The following ST8SIA4 variants were observed in gnomAD, a reference collection of about 807,000 sequenced individuals.
The protein encoded by ST8SIA4 is ST8 alpha-N-acetyl-neuraminide alpha-2,8-sialyltransferase 4.
Under a neutral mutation model 33.9 loss-of-function variants are expected in ST8SIA4, and 15 were observed. The observed-to-expected ratio is 0.44, with a 90% CI of 0.30 to 0.68. ST8SIA4 has a LOEUF of 0.68. Ranked by LOEUF, ST8SIA4 falls within the 30% of genes least tolerant of loss-of-function variation. The pLI, the probability that ST8SIA4 is intolerant of heterozygous loss-of-function variation, is 0.10. For missense variants in ST8SIA4, 321 were observed against 428.0 expected (o/e 0.75, Z 2.21); for synonymous variants, 171 against 151.2 (o/e 1.13, Z -0.96).
At chr5:100,854,067 C>T (rs1217081913) in intron 4 of ST8SIA4, among the ~76,000 whole-genome samples, 1 of 150,768 alleles carries the variant, frequency 6.6e-6, no homozygotes, top group Non-Finnish European at 1.5e-5. Context: ...ACATGATACC[C>T]AAACAAAAAC....
chr5:100,848,080 T>C (rs1234355588), intron 4 of ST8SIA4, among the ~76,000 whole-genome samples: 1 of 151,990 alleles, frequency 6.6e-6, no homozygotes, highest in East Asian at 1.9e-4. Flanking sequence ...TGTAAAACAA[T>C]ATCTACTTGA....
At chr5:100,857,347 G>A (rs1751838345) in intron 3 of ST8SIA4, among the ~76,000 whole-genome samples, 1 of 151,358 alleles carries the variant, frequency 6.6e-6, no homozygotes, top group African/African-American at 2.4e-5. Context: ...CGGTCACATA[G>A]ACCTTTTTAT....
chr5:100,815,861 G>A (rs1389746321), intron 4 of ST8SIA4, among the ~76,000 whole-genome samples: 1 of 152,124 alleles, frequency 6.6e-6, no homozygotes, highest in Non-Finnish European at 1.5e-5. Flanking sequence ...TTGTAATGCT[G>A]TAAAAGAGAC....
chr5:100,855,967 A>T, intron 4 of ST8SIA4, 136 bp downstream of exon 4: 1 of 857,802 alleles, frequency 1.2e-6, no homozygotes, highest in Non-Finnish European at 1.7e-6. Flanking sequence ...GTTTGTAAAT[A>T]GAGTAACCAT....
At chr5:100,825,201 A>G (rs1247850626) in intron 4 of ST8SIA4, among the ~76,000 whole-genome samples, 1 of 152,204 alleles carries the variant, frequency 6.6e-6, no homozygotes, top group Non-Finnish European at 1.5e-5. Context: ...GGTTCAAATC[A>G]TATTATTTAA....
intron 4 of ST8SIA4, among the ~76,000 whole-genome samples, chr5:100,850,571 A>G (rs865997548): frequency 6.6e-6 from 1 of 152,034 alleles, no homozygotes; most frequent in South Asian, 2.1e-4. Context: ...TAAAACGTAA[A>G]TATTTTAACA....
intron 3 of ST8SIA4, among the ~76,000 whole-genome samples, chr5:100,874,680 G>A (rs1029606245): frequency 6.6e-6 from 1 of 151,900 alleles, no homozygotes; most frequent in Non-Finnish European, 1.5e-5. Context: ...AACCTCCCGG[G>A]GTCAAGTGAT....
At position 100,811,448 on chromosome 5, in the gene ST8SIA4, C is replaced by T. The variant is rs1383973646; in HGVS notation, c.*399G>A. The T allele has an allele frequency of 1.3e-5, 2 of 158,032 alleles. No homozygotes were observed. The highest frequency in any genetic ancestry group is 4.8e-5 in the African/African-American group (2 of 41,514). 9.8% of individuals were successfully genotyped at this position (158,032 alleles called of 1,614,324 possible). A position where few individuals can be genotyped will look rare whatever the true frequency, so the allele number is the denominator to read the frequency against. On this transcript the variant is annotated 3_prime_UTR_variant, in exon 5 of 5. Transcript: ENST00000231461. ...CTGCTTCCATCTTGGCTTCTGCTGA[C>T]AAGGATGGTTTAATTTCCCAAGGTC...
At chr5:100,884,120 A>G (rs141443194) in intron 3 of ST8SIA4, among the ~76,000 whole-genome samples, 1 of 152,372 alleles carries the variant, frequency 6.6e-6, no homozygotes, top group East Asian at 1.9e-4. Context: ...TTGGGTTACT[A>G]CAGGAATGAT....
chr5:100,852,710 C>T (rs150043832), intron 4 of ST8SIA4, among the ~76,000 whole-genome samples: 50 of 152,284 alleles, frequency 3.3e-4, no homozygotes, highest in Middle Eastern at 6.8e-3. Flanking sequence ...TATATTACAA[C>T]AATACCTAAG....
chr5:100,836,494 A>G (rs1226645271), intron 4 of ST8SIA4, among the ~76,000 whole-genome samples: 1 of 152,054 alleles, frequency 6.6e-6, no homozygotes, highest in Non-Finnish European at 1.5e-5. Context: ...ATAAAAATAC[A>G]TAGAAAAGAA....
intron 3 of ST8SIA4, among the ~76,000 whole-genome samples, chr5:100,884,350 C>G (rs1283815201): frequency 1.3e-5 from 2 of 152,170 alleles, no homozygotes; most frequent in Non-Finnish European, 2.9e-5. Flanking sequence ...GCAATACCAT[C>G]AAGTGGCCAG....
intron 2 of ST8SIA4, among the ~76,000 whole-genome samples, chr5:100,892,940 A>G (rs1752706256): frequency 6.6e-6 from 1 of 152,100 alleles, no homozygotes. Flanking sequence ...CCACCATGGC[A>G]CATATGTACC....
At chr5:100,841,125 G>A (rs1751462489) in intron 4 of ST8SIA4, among the ~76,000 whole-genome samples, 2 of 151,804 alleles carry the variant, frequency 1.3e-5, no homozygotes, top group South Asian at 4.1e-4. Context: ...TTGTCATGTT[G>A]GTAATTTCTA....
intron 4 of ST8SIA4, among the ~76,000 whole-genome samples, chr5:100,816,790 C>T (rs1266481839): frequency 6.6e-6 from 1 of 152,042 alleles, no homozygotes; most frequent in African/African-American, 2.4e-5. Context: ...ATTAAGGAGT[C>T]TCCTCTATTT....
intron 3 of ST8SIA4, among the ~76,000 whole-genome samples, chr5:100,865,827 C>T (rs1348855118): frequency 1.3e-5 from 2 of 152,090 alleles, no homozygotes; most frequent in African/African-American, 4.8e-5. Flanking sequence ...CTTCTTGCCA[C>T]TGTCCAATTT....
chr5:100,866,005 T>A (rs75763672), intron 3 of ST8SIA4, among the ~76,000 whole-genome samples: 2,181 of 152,292 alleles, frequency 0.014, 61 homozygotes, highest in African/African-American at 0.049. Context: ...CAGTCTGCTT[T>A]AGAAAGCATA....
intron 4 of ST8SIA4, among the ~76,000 whole-genome samples, chr5:100,843,836 T>G (rs1261912233): frequency 6.6e-6 from 1 of 151,944 alleles, no homozygotes; most frequent in Non-Finnish European, 1.5e-5. Flanking sequence ...AAATCCCTTC[T>G]TTTAATCTCA....
intron 2 of ST8SIA4, among the ~76,000 whole-genome samples, chr5:100,888,883 G>A (rs1385116430): frequency 6.6e-6 from 1 of 151,798 alleles, no homozygotes; most frequent in Non-Finnish European, 1.5e-5. Context: ...CCAGCTAGTT[G>A]AAAAAATAAT....
Sources: allele counts gnomAD v4.1 joint callset (sites outside exome capture counted in the v4.1 genomes callset), GRCh38; gene constraint gnomAD v4.1.1; transcripts MANE v1.5; gene names NCBI Gene and HGNC (gene_info 2026-07-23, HGNC 2026-07-21).